ADAMTS2: variants seen among roughly 807,000 people sequenced by gnomAD.
The protein encoded by ADAMTS2 is A disintegrin and metalloproteinase with thrombospondin motifs 2.
In ADAMTS2, 50 loss-of-function variants were observed where a neutral mutation model predicts 123.0. The ratio of observed to expected loss-of-function variants is 0.41; its 90% CI spans 0.32 to 0.51. The LOEUF (loss-of-function observed/expected upper bound fraction) is 0.51, where lower values mean the gene tolerates loss of function less well. Ranked by LOEUF, ADAMTS2 falls within the 20% of genes least tolerant of loss-of-function variation. The pLI, the probability that ADAMTS2 is intolerant of heterozygous loss-of-function variation, is 0.35. For missense variants in ADAMTS2, 1,494 were observed against 1,705.2 expected (o/e 0.88, Z 2.18); for synonymous variants, 678 against 695.4 (o/e 0.98, Z 0.39).
At chr5:179,125,764 C>T (rs1762843921) in intron 18 of ADAMTS2, among the ~76,000 whole-genome samples, 1 of 152,274 alleles carries the variant, frequency 6.6e-6, no homozygotes, top group Admixed American at 6.5e-5. Flanking sequence ...CCCATTTCCC[C>T]ATCTGGGCAT....
chr5:179,136,156 TC>T, intron 12 of ADAMTS2, 114 bp from the exon 13 acceptor site: 4 of 1,490,556 alleles, frequency 2.7e-6, no homozygotes, highest in South Asian at 1.1e-5. Flanking sequence ...TGGCCCACCC[TC>T]CAGGGCAGAC....
chr5:179,160,908 C>A (rs1224759180), intron 5 of ADAMTS2, among the ~76,000 whole-genome samples: 1 of 152,096 alleles, frequency 6.6e-6, no homozygotes, highest in South Asian at 2.1e-4. Flanking sequence ...CCATTGAGAC[C>A]CTTCAGAGAG....
In ADAMTS2 at chr5:179,132,787, G is replaced by C. The variant is rs1489881560; in HGVS notation, c.2199C>G (p.Pro733=). The C allele has an allele frequency of 6.2e-7, 1 of 1,614,068 alleles. No homozygotes were observed. The highest frequency in any genetic ancestry group is 8.5e-7 in the Non-Finnish European group (1 of 1,179,986). The change falls in exon 14 of 22, where the codon CCC becomes CCG. Residue 733 remains proline (P), a synonymous_variant. Transcript: ENST00000251582. The surrounding 1 kb of genome is among the most constrained non-coding windows in gnomAD (Gnocchi z 6.1). ...CAGGGACCCACTCACCATGCTTCTT[G>C]GGTGACCGTGTGAACGTGCCCTTGA... ...KVVKGTFTRS[P]KKHGYIKMFE...
chr5:179,158,390 T>C lies in ADAMTS2; in HGVS notation c.1132+333A>G, dbSNP rs1763526742. ...AAATCCATGTGAGATGCTCTCTGTC[T>C]ATAGAGTGAGTGGAGGTGACAGGCC... On this transcript the variant is annotated intron_variant, in intron 6 of 21. Transcript: ENST00000251582. The surrounding 1 kb of genome is among the most constrained non-coding windows in gnomAD (Gnocchi z 5.0). 6.6e-6 allele frequency among the ~76,000 whole-genome samples: 1 copy of C among 152,256 alleles called. No individual in the cohort carries two copies. Among genetic ancestry groups the C allele is most frequent in the African/African-American group, 2.4e-5 (1 of 41,466 alleles).
chr5:179,146,349 A>G (rs900413265), intron 10 of ADAMTS2, among the ~76,000 whole-genome samples: 36 of 152,212 alleles, frequency 2.4e-4, no homozygotes, highest in African/African-American at 8.7e-4. Flanking sequence ...CTGAACATTT[A>G]GGATGATGAC....
At chr5:179,263,990 A>T (rs1056471555) in intron 3 of ADAMTS2, among the ~76,000 whole-genome samples, 6 of 152,156 alleles carry the variant, frequency 3.9e-5, no homozygotes, top group Non-Finnish European at 8.8e-5. Flanking sequence ...CTGAGAGGAG[A>T]TGGGGCCTGT....
At chr5:179,152,910 G>A (rs1171412780) in intron 9 of ADAMTS2, among the ~76,000 whole-genome samples, 2 of 152,062 alleles carry the variant, frequency 1.3e-5, no homozygotes, top group African/African-American at 2.4e-5. Context: ...TAGCCTCTCC[G>A]GGTCTCTGTT....
intron 3 of ADAMTS2, among the ~76,000 whole-genome samples, chr5:179,233,010 G>A (rs1048254783): frequency 5.3e-5 from 8 of 152,188 alleles, no homozygotes; most frequent in Non-Finnish European, 1.0e-4. Context: ...TCGGGAGGCG[G>A]GAAGGCGTTC....
chr5:179,137,492 G>A (rs2113217655), intron 12 of ADAMTS2, among the ~76,000 whole-genome samples: 1 of 152,396 alleles, frequency 6.6e-6, no homozygotes, highest in African/African-American at 2.4e-5. Flanking sequence ...GTGAACTGCA[G>A]GAGCCCGGCC....
rs1762984857 is a variant in ADAMTS2 at position 179,132,650 on chromosome 5, A to C, written c.2209+127T>G. On this transcript the variant is annotated intron_variant, in intron 14 of 21. Transcript: ENST00000251582. This position sits in a 1 kb window ranked among gnomAD's most constrained non-coding sequence, Gnocchi z 6.1. ...TTCTCCCTCCCCCTCAGTGTCACAG[A>C]CCTCTCCCCCTCCCCAGAACAGTCA... 1 of 1,358,348 alleles carries C rather than the reference A, an allele frequency of 7.4e-7. No individual in the cohort carries two copies. The highest frequency in any genetic ancestry group is 1.0e-6 in the Non-Finnish European group (1 of 970,202). The allele number at this position is 1,358,348 out of a possible 1,614,324, so 84.1% of individuals were successfully genotyped here. A position where few individuals can be genotyped will look rare whatever the true frequency, so the allele number is the denominator to read the frequency against.
chr5:179,276,514 G>A (rs1003042350), intron 2 of ADAMTS2, among the ~76,000 whole-genome samples: 1 of 152,296 alleles, frequency 6.6e-6, no homozygotes, highest in East Asian at 1.9e-4. Flanking sequence ...GTCTGTACAT[G>A]AGGCAGGTCA....
rs1368666931 is a variant in ADAMTS2 at position 179,162,888 on chromosome 5, C to A, written c.976-4009G>T. Reference sequence around the variant, plus strand: ...TCCTCCTTTGGGGGACCACAGGGACCCCAGTCAGGACACTCGCTGGCCCAT... The same window carrying A: ...TCCTCCTTTGGGGGACCACAGGGACACCAGTCAGGACACTCGCTGGCCCAT... On this transcript the variant is annotated intron_variant, in intron 5 of 21. Transcript: ENST00000251582. This position sits in a 1 kb window ranked among gnomAD's most constrained non-coding sequence, Gnocchi z 5.1. Among the ~76,000 whole-genome samples, 2 of 152,210 alleles carry A rather than the reference C, an allele frequency of 1.3e-5. No homozygotes were observed. Among genetic ancestry groups the A allele is most frequent in the South Asian group, 2.1e-4 (1 of 4,828 alleles).
At chr5:179,126,862 C>T (rs893560496) in intron 17 of ADAMTS2, among the ~76,000 whole-genome samples, 10 of 151,906 alleles carry the variant, frequency 6.6e-5, no homozygotes, top group Non-Finnish European at 1.3e-4. Context: ...GGGGCTCAGG[C>T]GAGGAGAAGC....
chr5:179,270,191 T>C (rs1009946627), intron 3 of ADAMTS2, among the ~76,000 whole-genome samples: 1 of 152,112 alleles, frequency 6.6e-6, no homozygotes, highest in Non-Finnish European at 1.5e-5. Context: ...AATGATTCCC[T>C]GAGGCTCCAT....
intron 2 of ADAMTS2, among the ~76,000 whole-genome samples, chr5:179,291,270 C>T (rs555503068): frequency 5.3e-5 from 8 of 152,344 alleles, no homozygotes; most frequent in South Asian, 4.1e-4. Flanking sequence ...GGGCCACCTC[C>T]GGGCTCTGGT....
At chr5:179,206,155 C>T (rs1027577306) in intron 4 of ADAMTS2, among the ~76,000 whole-genome samples, 16 of 152,220 alleles carry the variant, frequency 1.1e-4, no homozygotes, top group Non-Finnish European at 1.0e-4. Flanking sequence ...GCCGATGCAG[C>T]GGACTTCGGC....
intron 2 of ADAMTS2, among the ~76,000 whole-genome samples, chr5:179,287,554 A>G (rs1184125701): frequency 1.3e-5 from 2 of 152,214 alleles, no homozygotes; most frequent in Non-Finnish European, 2.9e-5. Context: ...ACTGCACCCC[A>G]GAATTTTCTG....
chr5:179,210,933 C>T (rs1042825932), intron 3 of ADAMTS2, among the ~76,000 whole-genome samples: 7 of 152,240 alleles, frequency 4.6e-5, no homozygotes, highest in Non-Finnish European at 1.0e-4. Context: ...CATGAAGAGA[C>T]TCTGACCACA....
intron 4 of ADAMTS2, 151 bp downstream of exon 4, chr5:179,207,362 G>T: frequency 1.2e-6 from 1 of 805,604 alleles, no homozygotes; most frequent in Non-Finnish European, 2.0e-6. Context: ...TGGGGACCCA[G>T]CAAGCCTCCC....
Sources: gnomAD v4.1 joint callset for allele counts (sites outside exome capture counted in the v4.1 genomes callset) on GRCh38, gnomAD v4.1.1 for gene constraint, Gnocchi (gnomAD v3.1) non-coding constraint, MANE v1.5 for transcripts, NCBI Gene and HGNC (gene_info 2026-07-23, HGNC 2026-07-21) for gene names.